GALNTL6: variants seen among roughly 807,000 people sequenced by gnomAD.
The protein encoded by GALNTL6 is polypeptide N-acetylgalactosaminyltransferase like 6.
In GALNTL6, 46 loss-of-function variants were observed where a neutral mutation model predicts 73.7. The observed-to-expected ratio is 0.62, with a 90% CI of 0.49 to 0.80. The LOEUF (loss-of-function observed/expected upper bound fraction) is 0.80. GALNTL6 is among the 30% of genes least tolerant of loss of function. The pLI is 0.00. For synonymous variants in GALNTL6, 259 were observed against 263.7 expected, an observed-to-expected ratio of 0.98 and a Z score of 0.17; for missense variants, 604 against 755.0, an observed-to-expected ratio of 0.80 and a Z score of 2.34.
chr4:172,495,226 C>A (rs972206624), intron 5 of GALNTL6, among the ~76,000 whole-genome samples: 7 of 152,080 alleles, frequency 4.6e-5, no homozygotes, highest in Non-Finnish European at 7.4e-5. Flanking sequence ...GGTGAGGTAA[C>A]CATAGGACAA....
intron 5 of GALNTL6, among the ~76,000 whole-genome samples, chr4:172,572,513 C>G (rs1736798510): frequency 6.6e-6 from 1 of 152,270 alleles, no homozygotes; most frequent in South Asian, 2.1e-4. Context: ...CTGCTATACA[C>G]TCTCCCACTT....
intron 5 of GALNTL6, among the ~76,000 whole-genome samples, chr4:172,376,250 C>G (rs1743024844): frequency 6.6e-6 from 1 of 152,120 alleles, no homozygotes; most frequent in African/African-American, 2.4e-5. Flanking sequence ...GAGGGACTAG[C>G]CTCAGAGAAG....
chr4:172,201,407 A>G (rs1735949962), intron 2 of GALNTL6, among the ~76,000 whole-genome samples: 1 of 151,760 alleles, frequency 6.6e-6, no homozygotes, highest in Non-Finnish European at 1.5e-5. Flanking sequence ...GGGTTTCATC[A>G]TGTTGGCCAG....
At chr4:172,897,456 A>G (rs1746388866) in intron 8 of GALNTL6, among the ~76,000 whole-genome samples, 1 of 152,228 alleles carries the variant, frequency 6.6e-6, no homozygotes, top group South Asian at 2.1e-4. Context: ...TTTCGGATTC[A>G]CTGCCTAAAC....
chr4:171,876,601 C>A (rs1485152739), intron 2 of GALNTL6, among the ~76,000 whole-genome samples: 1 of 152,174 alleles, frequency 6.6e-6, no homozygotes, highest in Non-Finnish European at 1.5e-5. Context: ...TAACTTGTAA[C>A]AATGGGCAGA....
intron 2 of GALNTL6, among the ~76,000 whole-genome samples, chr4:172,136,294 A>G (rs1448382637): frequency 6.6e-6 from 1 of 152,126 alleles, no homozygotes; most frequent in Non-Finnish European, 1.5e-5. Context: ...TCTAGATCAC[A>G]TTGAAAAATG....
At chr4:171,944,365 A>G (rs1400800068) in intron 2 of GALNTL6, among the ~76,000 whole-genome samples, 1 of 152,046 alleles carries the variant, frequency 6.6e-6, no homozygotes, top group East Asian at 1.9e-4. Flanking sequence ...CAGTATGAAG[A>G]CTAAGTGATC....
chr4:172,620,672 A>C (rs1007271608), intron 5 of GALNTL6, among the ~76,000 whole-genome samples: 1 of 152,120 alleles, frequency 6.6e-6, no homozygotes, highest in Admixed American at 6.6e-5. Flanking sequence ...ACTTTTCTTC[A>C]TTTGTTACAT....
At chr4:172,406,702 C>G (rs143872764) in intron 5 of GALNTL6, among the ~76,000 whole-genome samples, 18 of 152,046 alleles carry the variant, frequency 1.2e-4, no homozygotes, top group Non-Finnish European at 2.1e-4. Context: ...TCTGAGTTTA[C>G]TAGGCTAAAT....
intron 5 of GALNTL6, among the ~76,000 whole-genome samples, chr4:172,612,046 G>A (rs888451553): frequency 1.3e-5 from 2 of 151,986 alleles, no homozygotes; most frequent in African/African-American, 4.8e-5. Flanking sequence ...TGAAAAAGTA[G>A]GAGGAAGATA....
At chr4:172,410,928 A>G (rs2111342943) in intron 5 of GALNTL6, among the ~76,000 whole-genome samples, 1 of 152,272 alleles carries the variant, frequency 6.6e-6, no homozygotes, top group South Asian at 2.1e-4. Context: ...CAGGCTTCAC[A>G]TTTATTATGG....
rs551488755 is a variant in GALNTL6 at position 172,123,784 on chromosome 4, C to T, written c.139-105872C>T. 2.6e-5 allele frequency among the ~76,000 whole-genome samples: 4 copies of T among 152,244 alleles called. No homozygotes were observed. The East Asian group carries it at 7.7e-4, about 29-fold the overall frequency. On this transcript the variant is annotated intron_variant, in intron 2 of 12. Coordinates refer to ENST00000506823, the MANE Select transcript of GALNTL6 (RefSeq NM_001034845.3). ...AAAGTGCTGGGATTACAGGCATGAG[C>T]CACTGTGCCTGGCCTCATAAAATTT...
At chr4:172,398,885 C>T (rs1332605063) in intron 5 of GALNTL6, among the ~76,000 whole-genome samples, 1 of 151,394 alleles carries the variant, frequency 6.6e-6, no homozygotes, top group Non-Finnish European at 1.5e-5. Flanking sequence ...ATGGACAAGC[C>T]GACTGAAAAC....
At chr4:171,943,809 C>G (rs1237979296) in intron 2 of GALNTL6, among the ~76,000 whole-genome samples, 3 of 152,020 alleles carry the variant, frequency 2.0e-5, no homozygotes, top group Non-Finnish European at 4.4e-5. Context: ...TTTTATTGCT[C>G]CCTTAGGATT....
At chr4:171,857,210 C>T (rs986086827) in intron 2 of GALNTL6, among the ~76,000 whole-genome samples, 5 of 151,862 alleles carry the variant, frequency 3.3e-5, no homozygotes, top group African/African-American at 1.2e-4. Flanking sequence ...TTAAAATGAA[C>T]TCTAATGATA....
chr4:171,994,113 C>T (rs1358450276), intron 2 of GALNTL6, among the ~76,000 whole-genome samples: 2 of 151,824 alleles, frequency 1.3e-5, no homozygotes, highest in African/African-American at 2.4e-5. Flanking sequence ...TTGTTTTTCT[C>T]AATTAATTTT....
intron 2 of GALNTL6, among the ~76,000 whole-genome samples, chr4:171,905,353 T>C (rs1737241946): frequency 6.6e-6 from 1 of 152,092 alleles, no homozygotes; most frequent in African/African-American, 2.4e-5. Flanking sequence ...TCCTAGTCTC[T>C]GATAAAACAG....
intron 2 of GALNTL6, among the ~76,000 whole-genome samples, chr4:171,818,607 T>A (rs1734590948): frequency 6.6e-6 from 1 of 151,068 alleles, no homozygotes; most frequent in Admixed American, 6.6e-5. Flanking sequence ...GTCCTCTATG[T>A]CTCTTTGAAA....
At chr4:172,065,481 T>C (rs898782622) in intron 2 of GALNTL6, among the ~76,000 whole-genome samples, 9 of 152,152 alleles carry the variant, frequency 5.9e-5, no homozygotes, top group Non-Finnish European at 1.3e-4. Context: ...AAATTCCCAA[T>C]TCAAATGTAA....
Sources: allele counts gnomAD v4.1 joint callset (sites outside exome capture counted in the v4.1 genomes callset), GRCh38; gene constraint gnomAD v4.1.1; transcripts MANE v1.5; gene names NCBI Gene and HGNC (gene_info 2026-07-23, HGNC 2026-07-21).